SGCZ: variants seen among roughly 807,000 people sequenced by gnomAD.
SGCZ encodes sarcoglycan zeta.
In SGCZ, 40 loss-of-function variants were observed where a neutral mutation model predicts 41.3. That is an observed-to-expected ratio of 0.97 (90% confidence interval 0.75 to 1.26). The LOEUF is 1.26. SGCZ is among the 50% of genes most tolerant of loss of function. The probability of loss-of-function intolerance (pLI) is 0.00; values close to 1 mark genes in which losing one functional copy is unlikely to be tolerated. For missense variants in SGCZ, 552 were observed against 369.8 expected, an observed-to-expected ratio of 1.49 and a Z score of -4.04; for synonymous variants, 206 against 137.5, an observed-to-expected ratio of 1.50 and a Z score of -3.49.
intron 4 of SGCZ, among the ~76,000 whole-genome samples, chr8:14,179,541 T>C (rs556269383): frequency 1.3e-5 from 2 of 152,290 alleles, no homozygotes; most frequent in Non-Finnish European, 2.9e-5. Flanking sequence ...TCAGTCTCCC[T>C]GTTTCACTAT....
At position 14,800,855 on chromosome 8, in the gene SGCZ, G is replaced by C. The variant is rs181237057; in HGVS notation, c.40-245929C>G. Among the ~76,000 whole-genome samples, 405 of 152,124 alleles carry C rather than the reference G, an allele frequency of 2.7e-3. 5 individuals carry two copies. Among genetic ancestry groups the C allele is most frequent in the African/African-American group, 8.8e-3 (365 of 41,498 alleles). ...TCAACATTAAAAAATTCAAAATATA[G>C]AGGTGGAATGCTAGTCTCACTCATA... On this transcript the variant is annotated intron_variant, in intron 1 of 7. Transcript: ENST00000382080.
chr8:14,714,879 T>C (rs960185470), intron 1 of SGCZ, among the ~76,000 whole-genome samples: 3 of 152,108 alleles, frequency 2.0e-5, no homozygotes, highest in African/African-American at 4.8e-5. Context: ...GGATGTTTTT[T>C]TCAGAGCTAA....
chr8:14,795,272 A>G (rs111596890), intron 1 of SGCZ, among the ~76,000 whole-genome samples: 1 of 152,200 alleles, frequency 6.6e-6, no homozygotes, highest in Admixed American at 6.5e-5. Context: ...TAGATGCATA[A>G]ATTAGGATTT....
intron 2 of SGCZ, among the ~76,000 whole-genome samples, chr8:14,380,848 G>C (rs1804334740): frequency 1.3e-5 from 2 of 151,990 alleles, no homozygotes; most frequent in Admixed American, 6.5e-5. Context: ...AACAGAGTGA[G>C]AGTCTGTCTC....
chr8:14,914,988 T>C (rs1004121027), intron 1 of SGCZ, among the ~76,000 whole-genome samples: 1 of 152,174 alleles, frequency 6.6e-6, no homozygotes, highest in African/African-American at 2.4e-5. Flanking sequence ...CATTTGGCAA[T>C]GAGCATGACA....
intron 1 of SGCZ, among the ~76,000 whole-genome samples, chr8:15,224,393 A>C (rs986550820): frequency 1.8e-4 from 28 of 152,172 alleles, no homozygotes; most frequent in Non-Finnish European, 5.9e-5. Context: ...TAATATCCTA[A>C]GAGAAAATAC....
At chr8:15,076,988 T>C (rs985403796) in intron 1 of SGCZ, among the ~76,000 whole-genome samples, 1 of 152,180 alleles carries the variant, frequency 6.6e-6, no homozygotes, top group African/African-American at 2.4e-5. Flanking sequence ...CTTTTCTACA[T>C]AATTGCAGCG....
rs530625881 is a variant in SGCZ at position 14,824,000 on chromosome 8, G to A, written c.40-269074C>T. On this transcript the variant is annotated intron_variant, in intron 1 of 7. Coordinates refer to ENST00000382080, the MANE Select transcript of SGCZ (RefSeq NM_139167.4). ...TACAGAAAGACAAATAAATACTGCA[G>A]GGTATTGCTTATATATAGAATCTAA... Among the ~76,000 whole-genome samples the A allele has an allele frequency of 2.0e-5, 3 of 151,774 alleles. No individual in the cohort carries two copies. In the South Asian group the frequency reaches 6.3e-4, roughly 32 times the overall value.
At chr8:14,105,496 C>T (rs775730360) in intron 6 of SGCZ, among the ~76,000 whole-genome samples, 8 of 151,720 alleles carry the variant, frequency 5.3e-5, no homozygotes, top group Non-Finnish European at 1.2e-4. Flanking sequence ...CAGTACTTAC[C>T]TCTCTGAAAG....
chr8:14,190,383 A>G (rs530671210), intron 4 of SGCZ, among the ~76,000 whole-genome samples: 5 of 151,728 alleles, frequency 3.3e-5, no homozygotes, highest in South Asian at 2.1e-4. Context: ...GTGTGTGTGT[A>G]TATATATATA....
At chr8:14,982,526 C>T (rs760177104) in intron 1 of SGCZ, among the ~76,000 whole-genome samples, 11 of 152,178 alleles carry the variant, frequency 7.2e-5, no homozygotes, top group South Asian at 4.1e-4. Context: ...ACTCCTCCCA[C>T]GTGATATGCT....
At chr8:15,060,835 A>G (rs1804898543) in intron 1 of SGCZ, among the ~76,000 whole-genome samples, 1 of 152,082 alleles carries the variant, frequency 6.6e-6, no homozygotes, top group East Asian at 1.9e-4. Context: ...CCTAATTTCA[A>G]ACTGAAAAAT....
intron 2 of SGCZ, among the ~76,000 whole-genome samples, chr8:14,471,487 C>G (rs1020603292): frequency 6.6e-6 from 1 of 151,942 alleles, no homozygotes; most frequent in Non-Finnish European, 1.5e-5. Context: ...ATTCTGATGA[C>G]ATATACAAGG....
intron 1 of SGCZ, among the ~76,000 whole-genome samples, chr8:14,914,407 C>A (rs577067380): frequency 6.6e-6 from 1 of 151,954 alleles, no homozygotes; most frequent in Non-Finnish European, 1.5e-5. Context: ...TGTATTTATG[C>A]TCCTGGTTAC....
chr8:14,621,708 T>C (rs1015471703), intron 1 of SGCZ, among the ~76,000 whole-genome samples: 1 of 148,604 alleles, frequency 6.7e-6, no homozygotes, highest in Non-Finnish European at 1.5e-5. Context: ...AGCAGATCTC[T>C]TAAACACTCA....
chr8:14,128,736 C>G (rs1033304160), intron 5 of SGCZ, among the ~76,000 whole-genome samples: 1 of 151,742 alleles, frequency 6.6e-6, no homozygotes, highest in African/African-American at 2.4e-5. Context: ...CACACACACA[C>G]CATTGACTAC....
chr8:15,018,313 G>C (rs1185537976), intron 1 of SGCZ, among the ~76,000 whole-genome samples: 1 of 152,164 alleles, frequency 6.6e-6, no homozygotes, highest in African/African-American at 2.4e-5. Context: ...TTTTAGGTGG[G>C]AAGAGATAAA....
At chr8:15,046,280 T>A (rs925726396) in intron 1 of SGCZ, among the ~76,000 whole-genome samples, 1 of 151,998 alleles carries the variant, frequency 6.6e-6, no homozygotes, top group Non-Finnish European at 1.5e-5. Flanking sequence ...AAACAAGTAT[T>A]TGAGTTATTA....
chr8:14,235,471 C>G (rs1422448376), intron 4 of SGCZ, among the ~76,000 whole-genome samples: 1 of 152,182 alleles, frequency 6.6e-6, no homozygotes, highest in Non-Finnish European at 1.5e-5. Context: ...GCTATTTTCT[C>G]TCATTTGGCA....
Sources: gnomAD v4.1 joint callset for allele counts (sites outside exome capture counted in the v4.1 genomes callset) on GRCh38, gnomAD v4.1.1 for gene constraint, MANE v1.5 for transcripts, NCBI Gene and HGNC (gene_info 2026-07-23, HGNC 2026-07-21) for gene names.